Variants in MTSS1 observed in about 807,000 individuals in gnomAD.
The protein encoded by MTSS1 is protein MTSS 1.
A neutral mutation model predicts 79.0 loss-of-function variants in MTSS1; 18 were observed. That is an observed-to-expected ratio of 0.23 (90% CI 0.16 to 0.34). The LOEUF is 0.34. MTSS1 is among the 10% of genes least tolerant of loss of function. MTSS1 has a pLI of 1.00. For synonymous variants in MTSS1, 341 were observed against 368.6 expected (o/e 0.93, Z 0.86); for missense variants, 815 against 986.2 (o/e 0.83, Z 2.33).
chr8:124,607,833 A>C lies in MTSS1; in HGVS notation c.209-16598T>G, dbSNP rs76548689. On this transcript the variant is annotated intron_variant, in intron 3 of 13. Coordinates refer to ENST00000518547, the MANE Select transcript of MTSS1 (RefSeq NM_014751.6). ...TGTTGGAATTATATAAAGCCCGATAAAAATGACCCCAGGTTAACAGTTATT... is the reference window on the plus strand; with the variant it reads ...TGTTGGAATTATATAAAGCCCGATACAAATGACCCCAGGTTAACAGTTATT... Among the ~76,000 whole-genome samples, 417 of 152,312 alleles carry C rather than the reference A, an allele frequency of 2.7e-3. 4 individuals carry two copies. Among genetic ancestry groups the C allele is most frequent in the Admixed American group, 0.012 (187 of 15,308 alleles).
chr8:124,590,435 A>G (rs1831654579), intron 4 of MTSS1, among the ~76,000 whole-genome samples: 1 of 152,210 alleles, frequency 6.6e-6, no homozygotes, highest in African/African-American at 2.4e-5. Flanking sequence ...ATGACAGGTC[A>G]TAAATATACA....
chr8:124,556,481 C>T lies in MTSS1; in HGVS notation c.1231-76G>A, dbSNP rs574306790. On this transcript the variant is annotated intron_variant, in intron 11 of 13. Transcript: ENST00000518547. ...GGCTGCGGGGACCCCATAGACAGCT[C>T]CCCAGAGAAGGCAGCTGGTCCCCTT... The T allele has an allele frequency of 1.8e-5, 26 of 1,452,566 alleles. No individual in the cohort carries two copies. In the African/African-American group the frequency reaches 3.1e-4, roughly 18 times the overall value. The allele number at this position is 1,452,566 out of a possible 1,614,324, so 90.0% of individuals were successfully genotyped here.
chr8:124,585,584 T>C (rs998126270), intron 5 of MTSS1, among the ~76,000 whole-genome samples: 3 of 151,970 alleles, frequency 2.0e-5, no homozygotes, highest in Non-Finnish European at 4.4e-5. Context: ...CCAGCTAATT[T>C]TTGTACTTTT....
intron 3 of MTSS1, among the ~76,000 whole-genome samples, chr8:124,698,653 A>C (rs111631616): frequency 0.07 from 10,608 of 151,946 alleles, 541 homozygotes; most frequent in African/African-American, 0.15. Context: ...CTGGAATTAC[A>C]GGCACGTGCC....
chr8:124,574,331 T>G (rs1828525990), intron 6 of MTSS1, among the ~76,000 whole-genome samples: 1 of 142,102 alleles, frequency 7.0e-6, no homozygotes, highest in East Asian at 2.1e-4. Context: ...ACACTTGCAT[T>G]TTATTTTCCT....
At chr8:124,668,133 C>T (rs1160671288) in intron 3 of MTSS1, among the ~76,000 whole-genome samples, 1 of 152,150 alleles carries the variant, frequency 6.6e-6, no homozygotes. Flanking sequence ...CCGCTGGGCT[C>T]TAAAACCAAG....
chr8:124,718,792 C>T (rs1259364307), intron 1 of MTSS1, among the ~76,000 whole-genome samples: 1 of 152,170 alleles, frequency 6.6e-6, no homozygotes, highest in Non-Finnish European at 1.5e-5. Flanking sequence ...GCAAAACAAA[C>T]ATGTGTCGTG....
intron 3 of MTSS1, among the ~76,000 whole-genome samples, chr8:124,655,285 T>G (rs1820738846): frequency 6.6e-6 from 1 of 152,206 alleles, no homozygotes; most frequent in Non-Finnish European, 1.5e-5. Context: ...TCATTGCAAA[T>G]AACTCTAAGA....
rs115989458 is a variant in MTSS1 at position 124,575,449 on chromosome 8, C to T, written c.461-6913G>A. On this transcript the variant is annotated intron_variant, in intron 6 of 13. Coordinates refer to ENST00000518547, the MANE Select transcript of MTSS1 (RefSeq NM_014751.6). ...AATCCACATGAAGCATTCAGAACAA[C>T]GCCCGGCACGTGCTGAGCACTCACT... Among the ~76,000 whole-genome samples the T allele has an allele frequency of 3.3e-3, 504 of 152,302 alleles. 2 individuals carry two copies. Among genetic ancestry groups the T allele is most frequent in the African/African-American group, 0.012 (485 of 41,566 alleles).
chr8:124,564,948 A>C (rs2132013212), intron 9 of MTSS1: 1 of 152,402 alleles, frequency 6.6e-6, no homozygotes, highest in Non-Finnish European at 1.5e-5. Flanking sequence ...TGGCTTTGAA[A>C]GTTAAATTAA....
chr8:124,667,825 C>T (rs867863222), intron 3 of MTSS1, among the ~76,000 whole-genome samples: 1 of 152,028 alleles, frequency 6.6e-6, no homozygotes, highest in Non-Finnish European at 1.5e-5. Context: ...CACCTATAAT[C>T]CCAACACTTT....
chr8:124,727,818 G>A lies in MTSS1; in HGVS notation c.72+66C>T, dbSNP rs992038715. ...GGCCGGGTGCCCGGCCCGGGGTGGAGGCGAAGCGCGGCGGCGAGGTCAGAG... is the reference window on the plus strand; with the variant it reads ...GGCCGGGTGCCCGGCCCGGGGTGGAAGCGAAGCGCGGCGGCGAGGTCAGAG... On this transcript the variant is annotated intron_variant, in intron 1 of 13. Transcript: ENST00000518547. The surrounding 1 kb of genome is among the most constrained non-coding windows in gnomAD (Gnocchi z 4.7). 397 of 1,401,168 alleles carry A rather than the reference G, an allele frequency of 2.8e-4. 1 individual carries two copies. Among genetic ancestry groups the A allele is most frequent in the Non-Finnish European group, 3.6e-4 (381 of 1,058,306 alleles). 86.8% of individuals were successfully genotyped at this position (1,401,168 alleles called of 1,614,324 possible).
chr8:124,694,036 C>T (rs1021044300), intron 3 of MTSS1, among the ~76,000 whole-genome samples: 3 of 152,080 alleles, frequency 2.0e-5, no homozygotes, highest in African/African-American at 7.2e-5. Flanking sequence ...ATCCCAGATC[C>T]CAAGCTAGTT....
At chr8:124,647,216 T>C (rs1424083838) in intron 3 of MTSS1, among the ~76,000 whole-genome samples, 4 of 152,218 alleles carry the variant, frequency 2.6e-5, no homozygotes, top group Non-Finnish European at 4.4e-5. Context: ...TTTCATACTA[T>C]TTATGTCTTA....
intron 6 of MTSS1, among the ~76,000 whole-genome samples, chr8:124,575,467 C>T (rs529640304): frequency 1.8e-4 from 27 of 152,332 alleles, no homozygotes; most frequent in Admixed American, 1.6e-3. Flanking sequence ...ACGTGCTGAG[C>T]ACTCACTAAA....
chr8:124,680,680 T>C (rs111284802), intron 3 of MTSS1, among the ~76,000 whole-genome samples: 1,883 of 152,266 alleles, frequency 0.012, 49 homozygotes, highest in African/African-American at 0.04. Flanking sequence ...ACCCAGGTGG[T>C]CTTGACTACC....
chr8:124,640,938 T>C (rs1159026635), intron 3 of MTSS1, among the ~76,000 whole-genome samples: 1 of 152,188 alleles, frequency 6.6e-6, no homozygotes, highest in African/African-American at 2.4e-5. Flanking sequence ...ATAAGTTGTT[T>C]TGCAACTCTT....
At chr8:124,676,857 G>A (rs538105036) in intron 3 of MTSS1, among the ~76,000 whole-genome samples, 43 of 152,208 alleles carry the variant, frequency 2.8e-4, no homozygotes, top group African/African-American at 8.4e-4. Flanking sequence ...AGCCAGCCAC[G>A]GGCACAAAAC....
In MTSS1 at chr8:124,556,250, A is replaced by G; in HGVS notation, c.1386T>C (p.Thr462=). 6.2e-7 allele frequency: 1 copy of G among 1,614,196 alleles called. No homozygotes were observed. Among genetic ancestry groups the G allele is most frequent in the Non-Finnish European group, 8.5e-7 (1 of 1,180,014 alleles). The change falls in exon 12 of 14, where the codon ACT becomes ACC. Residue 462 remains threonine (T), a synonymous_variant. Coordinates refer to ENST00000518547, the MANE Select transcript of MTSS1 (RefSeq NM_014751.6). ...AEEAQRPRSM[T]VSAATRPGEE... is the part of the protein sequence containing the mutation. ...GCATCACCCTGGTGGCAGCCGATAC[A>G]GTCATGCTCCGTGGTCTCTGAGCCT...
Sources: allele counts gnomAD v4.1 joint callset (sites outside exome capture counted in the v4.1 genomes callset), GRCh38; gene constraint gnomAD v4.1.1; non-coding constraint Gnocchi (gnomAD v3.1); transcripts MANE v1.5; gene names NCBI Gene and HGNC (gene_info 2026-07-23, HGNC 2026-07-21).